ATAD2: variants seen among roughly 807,000 people sequenced by gnomAD.
The protein encoded by ATAD2 is ATPase family AAA domain-containing protein 2.
A neutral mutation model predicts 168.9 loss-of-function variants in ATAD2; 62 were observed. The observed-to-expected ratio is 0.37, with a 90% CI of 0.30 to 0.45. The LOEUF (loss-of-function observed/expected upper bound fraction) is 0.45, where lower values mean the gene tolerates loss of function less well. Ranked by LOEUF, ATAD2 falls within the 20% of genes least tolerant of loss-of-function variation. ATAD2 has a pLI of 1.00. For missense variants in ATAD2, 1,419 were observed against 1,667.8 expected (o/e 0.85, Z 2.60); for synonymous variants, 613 against 571.6 (o/e 1.07, Z -1.03).
chr8:123,401,729 TC>T, intron 1 of ATAD2: 1 of 748,148 alleles, frequency 1.3e-6, no homozygotes, highest in East Asian at 2.5e-5. Flanking sequence ...GATGATGGGC[TC>T]CCTGCTGGCT....
intron 1 of ATAD2, among the ~76,000 whole-genome samples, chr8:123,414,013 G>A (rs1428815437): frequency 1.3e-5 from 2 of 149,770 alleles, no homozygotes; most frequent in Non-Finnish European, 3.0e-5. Flanking sequence ...TTTAGCTGGG[G>A]TGGTGGGGGC....
intron 8 of ATAD2, among the ~76,000 whole-genome samples, chr8:123,366,082 AC>A (rs149963190): frequency 0.013 from 1,961 of 152,304 alleles, 21 homozygotes; most frequent in Non-Finnish European, 0.018. Context: ...CAAGAAAAAA[AC>A]AATCCCATCA....
chr8:123,377,488 T>C (rs767254465), intron 2 of ATAD2, among the ~76,000 whole-genome samples: 1 of 152,142 alleles, frequency 6.6e-6, no homozygotes, highest in African/African-American at 2.4e-5. Flanking sequence ...CCAACATTAA[T>C]TTTTTTGTAT....
At chr8:123,339,123 A>G (rs1275329383) in intron 20 of ATAD2, among the ~76,000 whole-genome samples, 188 bp downstream of exon 20, 1 of 152,160 alleles carries the variant, frequency 6.6e-6, no homozygotes, top group Non-Finnish European at 1.5e-5. Context: ...TATACTATGA[A>G]AGACTTTGTG....
intron 25 of ATAD2, among the ~76,000 whole-genome samples, 167 bp from the exon 26 acceptor site, chr8:123,326,193 C>T (rs1251572398): frequency 6.6e-6 from 1 of 152,164 alleles, no homozygotes. Context: ...GCCACTCATA[C>T]ACTCAAAAAT....
rs1302339123 is a variant in ATAD2, at chr8:123,402,876, C to T, written c.-2281-1701G>A. Among the ~76,000 whole-genome samples, 1 of 152,066 alleles carries T rather than the reference C, an allele frequency of 6.6e-6. No individual in the cohort carries two copies. Among genetic ancestry groups the T allele is most frequent in the Admixed American group, 6.6e-5 (1 of 15,266 alleles). On this transcript the variant is annotated intron_variant, in intron 1 of 28. Transcript: ENST00000521903. The surrounding 1 kb of genome is among the most constrained non-coding windows in gnomAD (Gnocchi z 4.8). ...ACACACTACACACAGCTTCAGGTGCCTCCTCTAAAGATCCTGATTTCATGC... is the reference window on the plus strand; with the variant it reads ...ACACACTACACACAGCTTCAGGTGCTTCCTCTAAAGATCCTGATTTCATGC...
At chr8:123,354,853 A>AT in intron 13 of ATAD2, among the ~76,000 whole-genome samples, 1 of 123,982 alleles carries the variant, frequency 8.1e-6, no homozygotes, top group African/African-American at 3.3e-5. Flanking sequence ...AAAAAAAAAA[A>AT]AAAAAAAAAA....
At chr8:123,371,154 T>C in intron 5 of ATAD2, 82 bp downstream of exon 5, 1 of 1,202,400 alleles carries the variant, frequency 8.3e-7, no homozygotes, top group Non-Finnish European at 1.2e-6. Context: ...AAAAAGTAGA[T>C]ATTTAATGAA....
At chr8:123,334,853 TG>T (rs1231656423) in intron 22 of ATAD2, among the ~76,000 whole-genome samples, 3 of 152,224 alleles carry the variant, frequency 2.0e-5, no homozygotes, top group Non-Finnish European at 4.4e-5. Flanking sequence ...CAGGATTGCT[TG>T]AGCCACATCA....
chr8:123,356,738 C>T (rs978478599), intron 12 of ATAD2, among the ~76,000 whole-genome samples: 7 of 150,904 alleles, frequency 4.6e-5, no homozygotes, highest in African/African-American at 1.7e-4. Flanking sequence ...ACCTCTGCCT[C>T]CTGGGTTCAA....
At chr8:123,364,640 T>C (rs1211642160) in intron 8 of ATAD2, among the ~76,000 whole-genome samples, 1 of 152,132 alleles carries the variant, frequency 6.6e-6, no homozygotes, top group Non-Finnish European at 1.5e-5. Flanking sequence ...TCAATAAATG[T>C]GATACACCAC....
Position 123,336,482 on chromosome 8 carries a change from T to G in ATAD2, c.3102A>C (p.Val1034=). Residue 1034 remains valine, a synonymous_variant, in exon 22 of 28, where the codon GTA becomes GTC. Coordinates refer to ENST00000287394, the MANE Select transcript of ATAD2 (RefSeq NM_014109.4). ...VIKQPMDLSS[V]ISKIDLHKYL... ...ACTTGTGTAGATCAATTTTACTGAT[T>G]ACAGATGAAAGGTCCATTGGTTGCT... 6.5e-7 allele frequency: 1 copy of G among 1,547,136 alleles called. No homozygotes were observed. The highest frequency in any genetic ancestry group is 8.7e-7 in the Non-Finnish European group (1 of 1,155,508).
At chr8:123,356,321 A>C (rs1828644727) in intron 13 of ATAD2, 68 bp downstream of exon 13, 7 of 1,303,702 alleles carry the variant, frequency 5.4e-6, no homozygotes, top group African/African-American at 1.5e-5. Flanking sequence ...TTAACATTCT[A>C]TCTCTCACAC....
At chr8:123,388,084 C>T (rs1470807028) in intron 1 of ATAD2, among the ~76,000 whole-genome samples, 2 of 152,156 alleles carry the variant, frequency 1.3e-5, no homozygotes, top group Admixed American at 1.3e-4. Flanking sequence ...CGGTAAACTC[C>T]AACTTAGTTT....
chr8:123,340,716 T>C (rs1240426474), intron 19 of ATAD2, among the ~76,000 whole-genome samples: 1 of 152,176 alleles, frequency 6.6e-6, no homozygotes, highest in Non-Finnish European at 1.5e-5. Context: ...GACAAATACA[T>C]ATTCAAATTA....
Position 123,322,984 on chromosome 8 carries a change from C to T in ATAD2, c.4085G>A (p.Cys1362Tyr), listed in dbSNP as rs1827514759. 6.2e-7 allele frequency: 1 copy of T among 1,613,704 alleles called. No homozygotes were observed. Among genetic ancestry groups the T allele is most frequent in the African/African-American group, 1.3e-5 (1 of 74,916 alleles). Residue 1362 changes from cysteine to tyrosine, a missense_variant, in exon 27 of 28, where the codon TGT becomes TAT. Physicochemically the swap from Cys to Tyr is radical, Grantham distance 194. Coordinates refer to ENST00000287394, the MANE Select transcript of ATAD2 (RefSeq NM_014109.4). ...ATGGTCCTTGCGATGCCGATAAATACATTGGCTGATTACTGCATACAAATT... is the reference window on the plus strand; with the variant it reads ...ATGGTCCTTGCGATGCCGATAAATATATTGGCTGATTACTGCATACAAATT... The part of the protein sequence containing the change: ...LENLYAVISQ[C>Y]IYRHRKDHDK...
chr8:123,326,913 C>T (rs1827632027), intron 25 of ATAD2, among the ~76,000 whole-genome samples: 1 of 151,086 alleles, frequency 6.6e-6, no homozygotes, highest in African/African-American at 2.4e-5. Flanking sequence ...ACTTTTCTTT[C>T]TTTTTTTTTG....
Position 123,336,370 on chromosome 8 carries a change from C to T in ATAD2, c.3211+3G>A, listed in dbSNP as rs144011403. The T allele has an allele frequency of 2.8e-5, 44 of 1,572,382 alleles. No individual in the cohort carries two copies. The African/African-American group carries it at 4.4e-4, about 16-fold the overall frequency. ...CCCTGAAAAAAAATTCACTAATGCT[C>T]ACCTCCAGGATCTCTATCTGGATTG... On this transcript the variant is annotated splice_donor_region_variant and intron_variant, in intron 22 of 27. Coordinates refer to ENST00000287394, the MANE Select transcript of ATAD2 (RefSeq NM_014109.4).
rs764794663 is a variant in ATAD2, at chr8:123,322,931, A to C, written c.4131+7T>G. 2 of 1,611,606 alleles carry C rather than the reference A, an allele frequency of 1.2e-6. No individual in the cohort carries two copies. The highest frequency in any genetic ancestry group is 3.4e-5 in the Admixed American group (2 of 59,648). On this transcript the variant is annotated splice_region_variant and intron_variant, in intron 27 of 27. Transcript: ENST00000287394. ...CATTTGTAAAAAGTTTCCACTCAAG[A>C]GTTTACCTGAATAAGTGATGTTTTA...
Sources: allele counts gnomAD v4.1 joint callset (sites outside exome capture counted in the v4.1 genomes callset), GRCh38; gene constraint gnomAD v4.1.1; non-coding constraint Gnocchi (gnomAD v3.1); transcripts MANE v1.5; gene names NCBI Gene and HGNC (gene_info 2026-07-23, HGNC 2026-07-21).